The following IL4I1 variants were observed in gnomAD, a reference collection of about 807,000 sequenced individuals.
IL4I1 encodes L-amino-acid oxidase.
In IL4I1, 24 loss-of-function variants were observed where a neutral mutation model predicts 29.7. The ratio of observed to expected loss-of-function variants is 0.81; its 90% CI spans 0.59 to 1.14. IL4I1 has a LOEUF of 1.14. IL4I1 is among the 50% of genes most tolerant of loss of function. The pLI is 0.00. For missense variants in IL4I1, 686 were observed against 785.6 expected, an observed-to-expected ratio of 0.87 and a Z score of 1.52; for synonymous variants, 371 against 352.5, an observed-to-expected ratio of 1.05 and a Z score of -0.59.
chr19:49,894,209 G>A (rs2075174960), intron 5 of IL4I1, 59 bp downstream of exon 5: 2 of 1,524,832 alleles, frequency 1.3e-6, no homozygotes, highest in East Asian at 2.4e-5. Context: ...CCGGGCCGGG[G>A]CGAGCTTAGG....
At position 49,916,796 on chromosome 19, in the gene IL4I1, G is replaced by C. The variant is rs1027370135; in HGVS notation, c.-228+10898C>G. ...AAAAAACAAAAATTAGCCTGGCATGGTGGCGTGTGCCTGTGATCCCAGATA... is the reference window on the plus strand; with the variant it reads ...AAAAAACAAAAATTAGCCTGGCATGCTGGCGTGTGCCTGTGATCCCAGATA... On this transcript the variant is annotated intron_variant, in intron 2 of 9. Transcript: ENST00000341114. Among the ~76,000 whole-genome samples, 21 of 152,256 alleles carry C rather than the reference G, an allele frequency of 1.4e-4. 1 individual carries two copies. Among genetic ancestry groups the C allele is most frequent in the Admixed American group, 1.3e-3 (20 of 15,308 alleles).
At chr19:49,906,272 G>C (rs567565640) in intron 2 of IL4I1, among the ~76,000 whole-genome samples, 78 of 152,280 alleles carry the variant, frequency 5.1e-4, no homozygotes, top group Middle Eastern at 3.4e-3. Flanking sequence ...GCAGTGGTGT[G>C]ATCATGGCTC....
At chr19:49,893,636 G>A (rs2075166344) in intron 5 of IL4I1, among the ~76,000 whole-genome samples, 1 of 152,060 alleles carries the variant, frequency 6.6e-6, no homozygotes, top group African/African-American at 2.4e-5. Flanking sequence ...TGGGTGAAAG[G>A]GGAAGAGGCC....
Position 49,910,236 on chromosome 19 carries a change from G to A in IL4I1, c.-227-5915C>T, listed in dbSNP as rs143438299. 2.4e-3 allele frequency among the ~76,000 whole-genome samples: 361 copies of A among 152,240 alleles called. 1 individual carries two copies. Among genetic ancestry groups the A allele is most frequent in the Admixed American group, 4.4e-3 (67 of 15,288 alleles). On this transcript the variant is annotated intron_variant, in intron 2 of 9. Coordinates refer to the IL4I1 transcript ENST00000341114. ...GGGACTAGGACACACAAGAACAGCT[G>A]TAGGACCTGCTCCCAGCGTGGGACC...
At chr19:49,927,366 T>A (rs748282914) in intron 2 of IL4I1, among the ~76,000 whole-genome samples, 1 of 152,062 alleles carries the variant, frequency 6.6e-6, no homozygotes, top group Non-Finnish European at 1.5e-5. Flanking sequence ...ACACATAACA[T>A]ACACTATTGA....
intron 2 of IL4I1, chr19:49,908,009 C>A (rs2075361776): frequency 2.3e-6 from 2 of 875,776 alleles, no homozygotes; most frequent in Non-Finnish European, 3.4e-6. Flanking sequence ...CAAAGATACT[C>A]AAATGAAAGC....
rs565372770 is a variant in IL4I1 at position 49,907,351 on chromosome 19, G to A, written c.-227-3030C>T. ...GGGCCAGGCAAAAGGCAGGCCTCTCGGCGCCCATCTGTGGTTCCTCAACAC... is the reference window on the plus strand; with the variant it reads ...GGGCCAGGCAAAAGGCAGGCCTCTCAGCGCCCATCTGTGGTTCCTCAACAC... On this transcript the variant is annotated intron_variant, in intron 2 of 9. Transcript: ENST00000341114. The A allele has an allele frequency of 2.6e-5, 8 of 312,764 alleles. No individual in the cohort carries two copies. In the Admixed American group the frequency reaches 2.9e-4, roughly 11 times the overall value. 19.4% of individuals were successfully genotyped at this position (312,764 alleles called of 1,614,324 possible). A position where few individuals can be genotyped will look rare whatever the true frequency, so the allele number is the denominator to read the frequency against.
chr19:49,896,155 G>T lies in IL4I1; in HGVS notation c.6C>A (p.Ala2=). M[A]PLALHLLVLV... ...CCTCCCCTGCTTACTCACCCAATGG[G>T]GCCATGACTCTCGGTGGGAGATGGT... Residue 2 remains alanine, a synonymous_variant, in exon 2 of 8, where the codon GCC becomes GCA. Transcript: ENST00000391826. 6.5e-7 allele frequency: 1 copy of T among 1,542,142 alleles called. No homozygotes were observed. Among genetic ancestry groups the T allele is most frequent in the Non-Finnish European group, 8.8e-7 (1 of 1,142,232 alleles).
intron 1 of IL4I1, 122 bp downstream of exon 1, chr19:49,896,713 C>A: frequency 3.7e-6 from 2 of 538,042 alleles, no homozygotes; most frequent in Non-Finnish European, 4.8e-6. Context: ...GGATTCCAGG[C>A]ATGAGCCCCC....
chr19:49,895,802 C>T lies in IL4I1; in HGVS notation c.252+13G>A, dbSNP rs1226419892. The T allele has an allele frequency of 2.0e-5, 33 of 1,613,052 alleles. No individual in the cohort carries two copies. Among genetic ancestry groups the T allele is most frequent in the Non-Finnish European group, 2.5e-5 (30 of 1,179,636 alleles). ...GGAGGGACTCCAGGTAGACTGCAAG[C>T]AGTGCTTCCCACCTTGTGTCCAGCA... On this transcript the variant is annotated intron_variant, in intron 3 of 7. Transcript: ENST00000391826.
chr19:49,909,529 A>G (rs1438393360), intron 2 of IL4I1: 1 of 1,613,956 alleles, frequency 6.2e-7, no homozygotes, highest in African/African-American at 1.3e-5. Flanking sequence ...GCTTTGAAGC[A>G]CCGATCCCCA....
chr19:49,891,183 T>A, intron 6 of IL4I1, 76 bp from the exon 7 acceptor site: 1 of 1,561,300 alleles, frequency 6.4e-7, no homozygotes, highest in Non-Finnish European at 8.7e-7. Context: ...CAGCTGGGCC[T>A]CCTGGTCCCA....
chr19:49,921,809 C>T lies in IL4I1; in HGVS notation c.-228+5885G>A, dbSNP rs942392228. Among the ~76,000 whole-genome samples, 2 of 152,200 alleles carry T rather than the reference C, an allele frequency of 1.3e-5. No individual in the cohort carries two copies. The highest frequency in any genetic ancestry group is 4.8e-5 in the African/African-American group (2 of 41,460). On this transcript the variant is annotated intron_variant, in intron 2 of 9. Transcript: ENST00000341114. This position sits in a 1 kb window ranked among gnomAD's most constrained non-coding sequence, Gnocchi z 5.4. ...TATGAGTGCTGGCTGGGCTCAAGCC[C>T]GGGTACTTTCCTCCGTGCCCAAGCA...
At chr19:49,894,538 GAGAAGA>G in intron 4 of IL4I1, 69 bp from the exon 5 acceptor site, 1 of 1,021,308 alleles carries the variant, frequency 9.8e-7, no homozygotes, top group Non-Finnish European at 1.4e-6. Context: ...GTGGGACTTG[GAGAAGA>G]GGGGTGGGAG....
intron 5 of IL4I1, among the ~76,000 whole-genome samples, chr19:49,893,985 CAAAAAAAAAAAAA>C (rs996597872): frequency 5.1e-5 from 1 of 19,674 alleles, no homozygotes; most frequent in Non-Finnish European, 1.0e-4. Flanking sequence ...GACTCCATCT[CAAAAAAAAAAAAA>C]AAAAAAAAAA....
chr19:49,896,102 AG>A (rs750881113), intron 2 of IL4I1, 45 bp downstream of exon 2: 1 of 1,574,620 alleles, frequency 6.4e-7, no homozygotes, highest in Admixed American at 1.9e-5. Flanking sequence ...GTCGGGGGAG[AG>A]GGGTTCTACT....
rs564246115 is a variant in IL4I1, at chr19:49,891,575, G to A, written c.568-102C>T. 23 of 1,024,570 alleles carry A rather than the reference G, an allele frequency of 2.2e-5. No individual in the cohort carries two copies. In the South Asian group the frequency reaches 2.7e-4, roughly 12 times the overall value. The allele number at this position is 1,024,570 out of a possible 1,614,324, so 63.5% of individuals were successfully genotyped here. A position where few individuals can be genotyped will look rare whatever the true frequency, so the allele number is the denominator to read the frequency against. On this transcript the variant is annotated intron_variant, in intron 5 of 7. Transcript: ENST00000391826. Reference sequence around the variant, plus strand: ...GGCTTCTCCTCGTGGTTCTGCCCACGGCTGGCCATTCACCACTCTCAAGCC... The same window carrying A: ...GGCTTCTCCTCGTGGTTCTGCCCACAGCTGGCCATTCACCACTCTCAAGCC...
At position 49,890,583 on chromosome 19, in the gene IL4I1, C is replaced by T; in HGVS notation, c.791G>A (p.Gly264Asp). 3 of 1,573,282 alleles carry T rather than the reference C, an allele frequency of 1.9e-6. No individual in the cohort carries two copies. The East Asian group carries it at 6.8e-5, about 36-fold the overall frequency. ...CGCGCGCGGCAGCAGGTCCCAGCCA[C>T]CCACGATGCGGCTGTACCTGCAGGC... ...SDRLQYSRIV[G>D]GWDLLPRALL... The change falls in exon 8 of 8, where the codon GGT (glycine) becomes GAT (aspartate). Residue 264 changes from glycine (G) to aspartate (D), a missense_variant. Physicochemically the swap from Gly to Asp is moderately conservative, Grantham distance 94 (BLOSUM62 -1). Transcript: ENST00000391826.
intron 2 of IL4I1, chr19:49,909,001 T>C: frequency 6.2e-7 from 1 of 1,611,760 alleles, no homozygotes; most frequent in South Asian, 1.1e-5. Flanking sequence ...TGGATGTTGT[T>C]GTGGAGGTGC....
Sources: gnomAD v4.1 joint callset for allele counts (sites outside exome capture counted in the v4.1 genomes callset) on GRCh38, gnomAD v4.1.1 for gene constraint, Gnocchi (gnomAD v3.1) non-coding constraint, MANE v1.5 for transcripts, NCBI Gene and HGNC (gene_info 2026-07-23, HGNC 2026-07-21) for gene names.